Variants in ZNF250 observed in about 807,000 individuals in gnomAD.
The protein encoded by ZNF250 is zinc finger protein 250.
A neutral mutation model predicts 37.1 loss-of-function variants in ZNF250; 13 were observed. That is an observed-to-expected ratio of 0.35 (90% CI 0.23 to 0.56). The LOEUF is 0.56. Among genes scored for constraint, ZNF250 ranks in the 20% least tolerant of loss-of-function variants. The pLI, the probability that ZNF250 is intolerant of heterozygous loss-of-function variation, is 0.87. For synonymous variants in ZNF250, 251 were observed against 265.6 expected (o/e 0.94, Z 0.54); for missense variants, 474 against 697.9 (o/e 0.68, Z 3.61).
At position 144,891,445 on chromosome 8, in the gene ZNF250, G is replaced by A. The variant is rs1586912533; in HGVS notation, c.-54-1042C>T. ...AAAACATCAGATATAGGTGGGCGCG[G>A]TGGCTCATACCTGTAATCTCAGCAC... On this transcript the variant is annotated intron_variant, in intron 1 of 5. Coordinates refer to ENST00000417550, the MANE Select transcript of ZNF250 (RefSeq NM_001109689.4). The surrounding 1 kb of genome is among the most constrained non-coding windows in gnomAD (Gnocchi z 4.0). Among the ~76,000 whole-genome samples, 3 of 152,286 alleles carry A rather than the reference G, an allele frequency of 2.0e-5. No individual in the cohort carries two copies. The South Asian group carries it at 6.2e-4, about 32-fold the overall frequency.
rs543076374 is a variant in ZNF250 at position 144,890,066 on chromosome 8, C to T, written c.43-7G>A. ...CCTCGAAGGTCAGCTTGGCCTGGAA[C>T]GACAGGGGCTGCTGCAGGTAAAACC... On this transcript the variant is annotated splice_polypyrimidine_tract_variant and splice_region_variant and intron_variant, in intron 2 of 5. Coordinates refer to ENST00000417550, the MANE Select transcript of ZNF250 (RefSeq NM_001109689.4). This position sits in a 1 kb window ranked among gnomAD's most constrained non-coding sequence, Gnocchi z 5.1. 2.5e-5 allele frequency: 40 copies of T among 1,611,270 alleles called. No individual in the cohort carries two copies. The highest frequency in any genetic ancestry group is 6.7e-5 in the East Asian group (3 of 44,792).
chr8:144,890,514 G>C lies in ZNF250; in HGVS notation c.-54-111C>G. The C allele has an allele frequency of 1.7e-6, 1 of 573,934 alleles. No homozygotes were observed. 35.6% of individuals were successfully genotyped at this position (573,934 alleles called of 1,614,324 possible). On this transcript the variant is annotated intron_variant, in intron 1 of 5. Coordinates refer to ENST00000417550, the MANE Select transcript of ZNF250 (RefSeq NM_001109689.4). This position sits in a 1 kb window ranked among gnomAD's most constrained non-coding sequence, Gnocchi z 5.1. ...TCAGAGTCACTGAGGGGCACACTGA[G>C]GTCAGGTGCAAGGAGCTGCTACTGT...
chr8:144,900,925 C>G (rs979458257), intron 1 of ZNF250, among the ~76,000 whole-genome samples: 1 of 152,206 alleles, frequency 6.6e-6, no homozygotes, highest in Non-Finnish European at 1.5e-5. Flanking sequence ...CGCGAGACCC[C>G]GAGGAGCGCG....
chr8:144,892,082 A>C (rs1340530630), intron 1 of ZNF250, among the ~76,000 whole-genome samples: 1 of 152,192 alleles, frequency 6.6e-6, no homozygotes, highest in Non-Finnish European at 1.5e-5. Flanking sequence ...CAATAAACTA[A>C]CTGCCTGCCT....
rs571729304 is a variant in ZNF250 at position 144,890,827 on chromosome 8, A to C, written c.-54-424T>G. 4.3e-4 allele frequency among the ~76,000 whole-genome samples: 65 copies of C among 152,278 alleles called. No individual in the cohort carries two copies. Among genetic ancestry groups the C allele is most frequent in the Non-Finnish European group, 7.8e-4 (53 of 68,008 alleles). On this transcript the variant is annotated intron_variant, in intron 1 of 5. Coordinates refer to ENST00000417550, the MANE Select transcript of ZNF250 (RefSeq NM_001109689.4). The surrounding 1 kb of genome is among the most constrained non-coding windows in gnomAD (Gnocchi z 5.1). ...AGGCATCAGGCCAAGCTGCTTCCCCAAACACCCTCCCAATTAAGAAAGCCT... is the reference window on the plus strand; with the variant it reads ...AGGCATCAGGCCAAGCTGCTTCCCCCAACACCCTCCCAATTAAGAAAGCCT...
intron 1 of ZNF250, among the ~76,000 whole-genome samples, chr8:144,899,082 G>A (rs1409817776): frequency 1.3e-5 from 2 of 152,130 alleles, no homozygotes. Context: ...TGCAGCAACA[G>A]GGATGGAACT....
rs574261180 is a variant in ZNF250 at position 144,891,896 on chromosome 8, G to A, written c.-54-1493C>T. ...AAAAATCAGCTGGGTGTGGTGGCGG[G>A]TGCCTGTAATCCCAACTACTCAGGA... On this transcript the variant is annotated intron_variant, in intron 1 of 5. Coordinates refer to ENST00000417550, the MANE Select transcript of ZNF250 (RefSeq NM_001109689.4). This position sits in a 1 kb window ranked among gnomAD's most constrained non-coding sequence, Gnocchi z 4.0. Among the ~76,000 whole-genome samples the A allele has an allele frequency of 6.6e-6, 1 of 151,944 alleles. No homozygotes were observed. The highest frequency in any genetic ancestry group is 1.5e-5 in the Non-Finnish European group (1 of 67,932).
Position 144,882,352 on chromosome 8 carries a change from A to C in ZNF250, c.831T>G (p.Pro277=). The C allele has an allele frequency of 6.2e-7, 1 of 1,613,838 alleles. No individual in the cohort carries two copies. The highest frequency in any genetic ancestry group is 8.5e-7 in the Non-Finnish European group (1 of 1,179,886). ...QHHKIHTGEK[P]HECLECRKAF... ...CTTTCCGACACTCAAGACATTCGTGAGGCTTCTCTCCTGTATGTATCTTGT... is the reference window on the plus strand; with the variant it reads ...CTTTCCGACACTCAAGACATTCGTGCGGCTTCTCTCCTGTATGTATCTTGT... The change falls in exon 6 of 6, where the codon CCT becomes CCG. Residue 277 remains proline (P), a synonymous_variant. Transcript: ENST00000417550. This position sits in a 1 kb window ranked among gnomAD's most constrained non-coding sequence, Gnocchi z 5.5.
At chr8:144,896,574 C>A (rs1832739818) in intron 1 of ZNF250, among the ~76,000 whole-genome samples, 1 of 152,122 alleles carries the variant, frequency 6.6e-6, no homozygotes, top group Non-Finnish European at 1.5e-5. Flanking sequence ...TCGGGGGTGC[C>A]AGAAACTGGC....
At chr8:144,889,896 C>T (rs368775126) in intron 3 of ZNF250, 37 bp downstream of exon 3, 45 of 1,566,622 alleles carry the variant, frequency 2.9e-5, no homozygotes, top group South Asian at 2.9e-4. Flanking sequence ...CAGTCCAATA[C>T]GCAGATACAT....
rs964961960 is a variant in ZNF250 at position 144,891,853 on chromosome 8, C to CAAAACA, written c.-54-1456_-54-1451dup. Among the ~76,000 whole-genome samples, 4 of 152,136 alleles carry CAAAACA rather than the reference C, an allele frequency of 2.6e-5. No individual in the cohort carries two copies. Among genetic ancestry groups the CAAAACA allele is most frequent in the African/African-American group, 4.8e-5 (2 of 41,516 alleles). ...GGCAACCAAGAGCAAAACTCCATCT[C>CAAAACA]AAAACAAAAACAAAAACAAAAATCA... On this transcript the variant is annotated intron_variant, in intron 1 of 5. Coordinates refer to ENST00000417550, the MANE Select transcript of ZNF250 (RefSeq NM_001109689.4). This position sits in a 1 kb window ranked among gnomAD's most constrained non-coding sequence, Gnocchi z 4.0.
intron 1 of ZNF250, among the ~76,000 whole-genome samples, chr8:144,900,927 A>C (rs1833057039): frequency 6.6e-6 from 1 of 152,182 alleles, no homozygotes; most frequent in African/African-American, 2.4e-5. Flanking sequence ...CGAGACCCCG[A>C]GGAGCGCGGC....
rs750484146 is a variant in ZNF250 at position 144,882,067 on chromosome 8, G to A, written c.1116C>T (p.Ser372=). The A allele has an allele frequency of 1.3e-5, 21 of 1,613,692 alleles. No homozygotes were observed. Among genetic ancestry groups the A allele is most frequent in the East Asian group, 6.7e-5 (3 of 44,834 alleles). Residue 372 remains serine, a synonymous_variant, in exon 6 of 6, where the codon AGC becomes AGT. Transcript: ENST00000417550. This position sits in a 1 kb window ranked among gnomAD's most constrained non-coding sequence, Gnocchi z 5.5. The part of the protein sequence containing the change: ...YTCSECGKAF[S]DRSVLIQHHN... ...GGTGCTGAATGAGGACTGAGCGGTC[G>A]CTGAAGGCCTTCCCACACTCGCTGC... is the stretch of plus-strand genomic sequence containing the variant.
chr8:144,890,563 C>A lies in ZNF250; in HGVS notation c.-54-160G>T, dbSNP rs565206316. On this transcript the variant is annotated intron_variant, in intron 1 of 5. Transcript: ENST00000417550. This position sits in a 1 kb window ranked among gnomAD's most constrained non-coding sequence, Gnocchi z 5.1. ...GTTGCAGCCTTGGTCTGCCTTGCCT[C>A]CCCCATGAACTCTGACCCTATGGTT... 6.6e-6 allele frequency among the ~76,000 whole-genome samples: 1 copy of A among 152,194 alleles called. No homozygotes were observed. Among genetic ancestry groups the A allele is most frequent in the East Asian group, 1.9e-4 (1 of 5,168 alleles).
chr8:144,881,436 G>C lies in ZNF250; in HGVS notation c.*79C>G. ...AGAAAAGCTTCCTATAGAGTTAACA[G>C]AGACTTCTCTTGGGCTGAAGGCTGC... is the stretch of plus-strand genomic sequence containing the variant. On this transcript the variant is annotated 3_prime_UTR_variant, in exon 6 of 6. Transcript: ENST00000417550. 1 of 1,488,794 alleles carries C rather than the reference G, an allele frequency of 6.7e-7. No individual in the cohort carries two copies. Among genetic ancestry groups the C allele is most frequent in the Non-Finnish European group, 8.9e-7 (1 of 1,119,310 alleles). The allele number at this position is 1,488,794 out of a possible 1,614,324, so 92.2% of individuals were successfully genotyped here. A position where few individuals can be genotyped will look rare whatever the true frequency, so the allele number is the denominator to read the frequency against.
At chr8:144,895,123 G>A (rs1832623044) in intron 1 of ZNF250, 1 of 152,250 alleles carries the variant, frequency 6.6e-6, no homozygotes, top group Non-Finnish European at 1.5e-5. Flanking sequence ...AAATCAGACT[G>A]GCCCTTGGAT....
intron 4 of ZNF250, among the ~76,000 whole-genome samples, chr8:144,889,014 C>T (rs751459152): frequency 1.5e-4 from 23 of 152,254 alleles, no homozygotes; most frequent in South Asian, 4.1e-4. Flanking sequence ...GTGATCCACC[C>T]GCCTCAGTCT....
intron 1 of ZNF250, among the ~76,000 whole-genome samples, chr8:144,900,850 G>GA (rs1211849802): frequency 2.6e-5 from 4 of 152,144 alleles, no homozygotes; most frequent in Admixed American, 2.0e-4. Context: ...GCATCAAACA[G>GA]AAAAAACCTC....
chr8:144,883,900 A>G (rs1203999163), intron 5 of ZNF250, among the ~76,000 whole-genome samples: 1 of 151,734 alleles, frequency 6.6e-6, no homozygotes, highest in Admixed American at 6.6e-5. Context: ...TTTTTTTTAG[A>G]TGGAGTCTCT....
Sources: allele counts gnomAD v4.1 joint callset (sites outside exome capture counted in the v4.1 genomes callset), GRCh38; gene constraint gnomAD v4.1.1; non-coding constraint Gnocchi (gnomAD v3.1); transcripts MANE v1.5; gene names NCBI Gene and HGNC (gene_info 2026-07-23, HGNC 2026-07-21).